Variants in SVIL observed in about 807,000 individuals in gnomAD.
The protein encoded by SVIL is supervillin.
In SVIL, 101 loss-of-function variants were observed where a neutral mutation model predicts 240.4. The ratio of observed to expected loss-of-function variants is 0.42; its 90% CI spans 0.36 to 0.50. The LOEUF is 0.50. Among genes scored for constraint, SVIL ranks in the 20% least tolerant of loss-of-function variants. The pLI is 0.01. For synonymous variants in SVIL, 999 were observed against 1,100.0 expected (o/e 0.91, Z 1.82); for missense variants, 2,512 against 2,818.7 (o/e 0.89, Z 2.46).
chr10:29,723,759 T>G (rs562793072), intron 1 of SVIL, among the ~76,000 whole-genome samples: 3 of 152,276 alleles, frequency 2.0e-5, no homozygotes, highest in Middle Eastern at 3.4e-3. Flanking sequence ...CTGCAACTCA[T>G]GAACTCTCCC....
intron 6 of SVIL, among the ~76,000 whole-genome samples, chr10:29,549,701 G>C (rs1186006229): frequency 7.1e-6 from 1 of 140,670 alleles, no homozygotes; most frequent in East Asian, 2.1e-4. Context: ...CATAAAAAAG[G>C]ATGAGTTCAT....
chr10:29,499,106 A>G lies in SVIL; in HGVS notation c.3664+10T>C. On this transcript the variant is annotated intron_variant, in intron 18 of 37. Transcript: ENST00000355867. ...GCACACACCACACACATGGACACAC[A>G]CACACTGACCTTTCTTCACCATCCT... 1.2e-6 allele frequency: 2 copies of G among 1,613,562 alleles called. No homozygotes were observed. Among genetic ancestry groups the G allele is most frequent in the Non-Finnish European group, 8.5e-7 (1 of 1,179,750 alleles).
chr10:29,497,211 A>G (rs7920544), intron 18 of SVIL, among the ~76,000 whole-genome samples: 12,905 of 152,246 alleles, frequency 0.085, 1,641 homozygotes, highest in African/African-American at 0.28. Flanking sequence ...CATTCATTAT[A>G]TACCTATAAT....
At chr10:29,668,224 G>C (rs551176612) in intron 2 of SVIL, among the ~76,000 whole-genome samples, 1 of 152,234 alleles carries the variant, frequency 6.6e-6, no homozygotes, top group East Asian at 1.9e-4. Context: ...CTGGGCACCA[G>C]AGTGAGACCC....
At chr10:29,479,155 G>A (rs559352668) in intron 29 of SVIL, among the ~76,000 whole-genome samples, 1 of 152,202 alleles carries the variant, frequency 6.6e-6, no homozygotes, top group Non-Finnish European at 1.5e-5. Context: ...TCCAAGGTCT[G>A]GTGACTGGGA....
chr10:29,729,731 G>A (rs1306420247), intron 1 of SVIL, among the ~76,000 whole-genome samples: 1 of 145,106 alleles, frequency 6.9e-6, no homozygotes, highest in African/African-American at 2.6e-5. Context: ...CTACTTGGGA[G>A]GCTGAGGCGG....
intron 36 of SVIL, among the ~76,000 whole-genome samples, chr10:29,459,409 T>C (rs1175360993): frequency 2.6e-5 from 4 of 152,158 alleles, no homozygotes; most frequent in Non-Finnish European, 5.9e-5. Flanking sequence ...TTAGGGACTG[T>C]CCCATGAGTG....
At chr10:29,585,993 A>G (rs1339439994) in intron 1 of SVIL, among the ~76,000 whole-genome samples, 1 of 152,214 alleles carries the variant, frequency 6.6e-6, no homozygotes, top group Admixed American at 6.5e-5. Context: ...TAACCCATAG[A>G]ACCTGAGGCA....
At chr10:29,551,789 G>A (rs1953365565) in intron 5 of SVIL, among the ~76,000 whole-genome samples, 1 of 151,068 alleles carries the variant, frequency 6.6e-6, no homozygotes, top group African/African-American at 2.4e-5. Flanking sequence ...TTTTTCCCCA[G>A]TTATAACACA....
intron 18 of SVIL, chr10:29,496,369 C>T (rs1223861634): frequency 2.2e-6 from 1 of 454,892 alleles, no homozygotes; most frequent in Non-Finnish European, 4.4e-6. Flanking sequence ...TCTGGTATCA[C>T]AGGGTGGGGA....
chr10:29,532,182 T>C lies in SVIL; in HGVS notation c.1839-10A>G. On this transcript the variant is annotated splice_polypyrimidine_tract_variant and intron_variant, in intron 8 of 37. Coordinates refer to ENST00000355867, the MANE Select transcript of SVIL (RefSeq NM_021738.3). ...CTCCACCCGTGATTTGCTTTGAGAATCAAAGGGCAGAGAGTATAAGGAAGG... is the reference window on the plus strand; with the variant it reads ...CTCCACCCGTGATTTGCTTTGAGAACCAAAGGGCAGAGAGTATAAGGAAGG... The C allele has an allele frequency of 1.2e-6, 2 of 1,613,064 alleles. No individual in the cohort carries two copies. The highest frequency in any genetic ancestry group is 1.7e-6 in the Non-Finnish European group (2 of 1,179,662).
At chr10:29,480,400 C>T in intron 29 of SVIL, 137 bp downstream of exon 29, 2 of 1,119,666 alleles carry the variant, frequency 1.8e-6, no homozygotes, top group Non-Finnish European at 2.5e-6. Flanking sequence ...CTAGGTGGCT[C>T]TCAAAGGCGC....
rs139841691 is a variant in SVIL, at chr10:29,660,711, C to T, written c.-300-2643G>A. Among the ~76,000 whole-genome samples the T allele has an allele frequency of 1.3e-4, 20 of 152,354 alleles. No individual in the cohort carries two copies. The East Asian group carries it at 3.1e-3, about 24-fold the overall frequency. ...AAGAGAGTGCTAATCTCTGCCCAGA[C>T]GCTCACGTCTTCCCCTGGCTCATTC... On this transcript the variant is annotated intron_variant, in intron 2 of 35. Coordinates refer to the SVIL transcript ENST00000375400.
At chr10:29,699,936 G>A (rs1589538905) in intron 1 of SVIL, among the ~76,000 whole-genome samples, 1 of 152,348 alleles carries the variant, frequency 6.6e-6, no homozygotes, top group East Asian at 1.9e-4. Flanking sequence ...GGAAGGAACT[G>A]TAAAGTGATT....
intron 1 of SVIL, among the ~76,000 whole-genome samples, chr10:29,571,929 C>T (rs1304859833): frequency 6.6e-6 from 1 of 152,110 alleles, no homozygotes; most frequent in Non-Finnish European, 1.5e-5. Context: ...CCACACCCCA[C>T]CTAGGAGCAG....
intron 2 of SVIL, among the ~76,000 whole-genome samples, chr10:29,676,333 C>T (rs1148212): frequency 0.23 from 35,694 of 151,984 alleles, 4,284 homozygotes; most frequent in East Asian, 0.3. Context: ...CACCTAAACA[C>T]ATACACACTC....
chr10:29,663,466 G>T (rs965275663), intron 2 of SVIL, among the ~76,000 whole-genome samples: 36 of 152,074 alleles, frequency 2.4e-4, no homozygotes, highest in African/African-American at 8.5e-4. Flanking sequence ...TCAGCTCACT[G>T]CAACCTCCGC....
intron 2 of SVIL, chr10:29,686,525 A>G (rs762651853): frequency 2.0e-5 from 3 of 152,216 alleles, no homozygotes; most frequent in Non-Finnish European, 2.9e-5. Flanking sequence ...TGATACTGCA[A>G]ACATATTCCG....
chr10:29,550,700 C>A lies in SVIL; in HGVS notation c.724G>T (p.Val242Leu). Residue 242 changes from valine (V) to leucine (L), a missense_variant, in exon 6 of 38, where the codon GTG becomes TTG. Physicochemically the swap from Val to Leu is conservative, Grantham distance 32. Transcript: ENST00000355867. ...FSGRDSSFTE[V>L]PRSPKHAHSS... Reference sequence around the variant, plus strand: ...TGGGCGTGCTTGGGGGACCGTGGCACTTCAGTGAAGGAGGAGTCTCGCCCA... The same window carrying A: ...TGGGCGTGCTTGGGGGACCGTGGCAATTCAGTGAAGGAGGAGTCTCGCCCA... 6.2e-7 allele frequency: 1 copy of A among 1,614,130 alleles called. No homozygotes were observed. Among genetic ancestry groups the A allele is most frequent in the Non-Finnish European group, 8.5e-7 (1 of 1,180,016 alleles).
Sources: allele counts gnomAD v4.1 joint callset (sites outside exome capture counted in the v4.1 genomes callset), GRCh38; gene constraint gnomAD v4.1.1; transcripts MANE v1.5; gene names NCBI Gene and HGNC (gene_info 2026-07-23, HGNC 2026-07-21).